Variants in STON2 observed in about 807,000 individuals in gnomAD.
The protein encoded by STON2 is stonin 2.
A neutral mutation model predicts 65.7 loss-of-function variants in STON2; 29 were observed. That is an observed-to-expected ratio of 0.44 (90% CI 0.33 to 0.60). STON2 has a LOEUF of 0.60. Among genes scored for constraint, STON2 ranks in the 20% least tolerant of loss-of-function variants. The pLI is 0.03. For missense variants in STON2, 1,054 were observed against 1,118.1 expected, an observed-to-expected ratio of 0.94 and a Z score of 0.82; for synonymous variants, 404 against 414.2, an observed-to-expected ratio of 0.98 and a Z score of 0.30.
chr14:81,431,257 T>C (rs1378641135), intron 1 of STON2, among the ~76,000 whole-genome samples: 1 of 152,184 alleles, frequency 6.6e-6, no homozygotes, highest in Non-Finnish European at 1.5e-5. Context: ...CTCTCAAATC[T>C]CAACTGGAAC....
intron 2 of STON2, chr14:81,412,904 G>A (rs553320229): frequency 4.1e-5 from 25 of 605,780 alleles, no homozygotes; most frequent in Middle Eastern, 4.6e-4. Flanking sequence ...AGCTCCAGCC[G>A]GGCGATGCTT....
intron 3 of STON2, among the ~76,000 whole-genome samples, chr14:81,382,832 T>G (rs1899593928): frequency 6.6e-6 from 1 of 152,228 alleles, no homozygotes; most frequent in Non-Finnish European, 1.5e-5. Flanking sequence ...ATGCCAACGT[T>G]TCTCTTGAAA....
chr14:81,388,710 T>C (rs959353373), intron 3 of STON2, among the ~76,000 whole-genome samples: 2 of 152,194 alleles, frequency 1.3e-5, no homozygotes, highest in Non-Finnish European at 1.5e-5. Context: ...GTTTAAAAGA[T>C]GTATTCTTTT....
chr14:81,287,627 C>T (rs1462181772), intron 5 of STON2, among the ~76,000 whole-genome samples: 1 of 152,140 alleles, frequency 6.6e-6, no homozygotes, highest in Non-Finnish European at 1.5e-5. Context: ...AAGCAAGCAT[C>T]AGACTTTAAG....
At chr14:81,292,427 C>T (rs1895593705) in intron 5 of STON2, among the ~76,000 whole-genome samples, 1 of 151,472 alleles carries the variant, frequency 6.6e-6, no homozygotes, top group Admixed American at 6.6e-5. Flanking sequence ...TTATGGTTCC[C>T]ATAATCCCCT....
Position 81,266,065 on chromosome 14 carries a change from G to T in STON2, c.*2349C>A. On this transcript the variant is annotated 3_prime_UTR_variant, in exon 8 of 8. Transcript: ENST00000614646. ...AAGGAACTCCACTGTATTTCAAAGA[G>T]CATGAAAAACCACTTATGAAGAAAA... is the stretch of plus-strand genomic sequence containing the variant. The T allele has an allele frequency of 1.0e-6, 1 of 985,372 alleles. No homozygotes were observed. 61.0% of individuals were successfully genotyped at this position (985,372 alleles called of 1,614,324 possible).
chr14:81,335,345 A>G (rs1340096683), intron 4 of STON2, among the ~76,000 whole-genome samples: 2 of 152,220 alleles, frequency 1.3e-5, no homozygotes, highest in Non-Finnish European at 2.9e-5. Flanking sequence ...AGAAGTCTCA[A>G]TGTATCTTAA....
intron 5 of STON2, among the ~76,000 whole-genome samples, chr14:81,280,422 G>C (rs775259165): frequency 4.6e-5 from 7 of 152,144 alleles, no homozygotes; most frequent in Non-Finnish European, 1.0e-4. Flanking sequence ...CTTTAGAGTA[G>C]CTCTTCCATT....
At chr14:81,429,992 C>T (rs944226855) in intron 1 of STON2, among the ~76,000 whole-genome samples, 1 of 152,088 alleles carries the variant, frequency 6.6e-6, no homozygotes, top group African/African-American at 2.4e-5. Context: ...TCCCACTTGA[C>T]CCCTTTACTT....
rs1691888636 is a variant in STON2, at chr14:81,262,718, C to CA, written c.*5695dup. 4.1e-6 allele frequency: 4 copies of CA among 985,032 alleles called. No homozygotes were observed. Among genetic ancestry groups the CA allele is most frequent in the East Asian group, 1.1e-4 (1 of 8,806 alleles). 61.0% of individuals were successfully genotyped at this position (985,032 alleles called of 1,614,324 possible). On this transcript the variant is annotated 3_prime_UTR_variant, in exon 8 of 8. Coordinates refer to ENST00000614646, the MANE Select transcript of STON2 (RefSeq NM_001394390.1). The stretch of plus-strand genomic sequence containing the variant: ...AGAGACACATTTTTTTTTCAATTCT[C>CA]AAAACAACTAGACTCTTTCCAGCAG...
chr14:81,261,867 T>G lies in STON2; in HGVS notation c.*6547A>C. 6.5e-7 allele frequency: 1 copy of G among 1,534,736 alleles called. No homozygotes were observed. The highest frequency in any genetic ancestry group is 8.7e-7 in the Non-Finnish European group (1 of 1,146,520). On this transcript the variant is annotated 3_prime_UTR_variant, in exon 8 of 8. Transcript: ENST00000614646. ...CTTCACCACCCTCTTTGATCCTCTT[T>G]TTAAATCTGTGTGTGGAAGGCAACT...
intron 3 of STON2, among the ~76,000 whole-genome samples, chr14:81,387,833 G>C (rs1352914339): frequency 6.6e-6 from 1 of 150,642 alleles, no homozygotes; most frequent in Non-Finnish European, 1.5e-5. Flanking sequence ...GGAGGTTGCA[G>C]TGAGCTGAGA....
At chr14:81,429,189 C>T (rs1595476953) in intron 1 of STON2, among the ~76,000 whole-genome samples, 3 of 152,346 alleles carry the variant, frequency 2.0e-5, no homozygotes, top group Admixed American at 6.5e-5. Flanking sequence ...GACAGGAGCC[C>T]TAGTGTCATC....
At position 81,421,657 on chromosome 14, in the gene STON2, G is replaced by GA. The variant is rs945633784; in HGVS notation, c.-199+5444dup. Among the ~76,000 whole-genome samples the GA allele has an allele frequency of 2.2e-3, 341 of 152,238 alleles. 6 individuals are homozygous for GA. Among genetic ancestry groups the GA allele is most frequent in the Non-Finnish European group, 1.6e-3 (106 of 68,012 alleles). ...GGAAGTAAAGATGCAGTAGGTGGATGAAAAAAACCTTTGGAAAACTGGATC... is the reference window on the plus strand; with the variant it reads ...GGAAGTAAAGATGCAGTAGGTGGATGAAAAAAAACCTTTGGAAAACTGGATC... On this transcript the variant is annotated intron_variant, in intron 2 of 8. Coordinates refer to the STON2 transcript ENST00000553821.
intron 4 of STON2, among the ~76,000 whole-genome samples, chr14:81,340,261 G>A (rs949539576): frequency 2.0e-5 from 3 of 152,136 alleles, no homozygotes; most frequent in South Asian, 2.1e-4. Flanking sequence ...AATTTCTAGC[G>A]ACAGAAAGCA....
chr14:81,333,050 A>T (rs899493119), intron 4 of STON2: 2 of 655,460 alleles, frequency 3.1e-6, no homozygotes, highest in East Asian at 5.5e-5. Context: ...TGCTTTCTTG[A>T]GTTCTTTTTC....
Position 81,261,785 on chromosome 14 carries a change from C to T in STON2, c.*6629G>A. ...ACCTGTCTGTGCCTCTTCATGCTCA[C>T]ACCATTGTTCTGATAGATGATGCCA... On this transcript the variant is annotated 3_prime_UTR_variant, in exon 8 of 8. Transcript: ENST00000614646. The T allele has an allele frequency of 6.6e-7, 1 of 1,518,304 alleles. No individual in the cohort carries two copies. Among genetic ancestry groups the T allele is most frequent in the Non-Finnish European group, 8.8e-7 (1 of 1,141,732 alleles). The allele number at this position is 1,518,304 out of a possible 1,614,324, so 94.1% of individuals were successfully genotyped here.
In STON2 at chr14:81,278,158, G is replaced by A. The variant is rs1221583395; in HGVS notation, c.1324C>T (p.Leu442Phe). Residue 442 changes from leucine (L) to phenylalanine (F), a missense_variant, in exon 6 of 8, where the codon CTC (leucine) becomes TTC (phenylalanine). Transcript: ENST00000614646. ...TQSHSDAVEK[L>F]KQLQIDDPDH... ...GGGTCATCAATTTGGAGTTGTTTGA[G>A]TTTTTCAACAGCATCAGAGTGTGAC... 1.2e-6 allele frequency: 2 copies of A among 1,614,194 alleles called. No homozygotes were observed. The highest frequency in any genetic ancestry group is 2.7e-5 in the African/African-American group (2 of 75,040).
intron 5 of STON2, among the ~76,000 whole-genome samples, chr14:81,306,356 G>T (rs1896184987): frequency 6.8e-6 from 1 of 146,844 alleles, no homozygotes; most frequent in Non-Finnish European, 1.5e-5. Flanking sequence ...CAGCCTCTGA[G>T]CAGATGGGAC....
Sources: allele counts gnomAD v4.1 joint callset (sites outside exome capture counted in the v4.1 genomes callset), GRCh38; gene constraint gnomAD v4.1.1; transcripts MANE v1.5; gene names NCBI Gene and HGNC (gene_info 2026-07-23, HGNC 2026-07-21).